Variants in TRHDE observed in about 807,000 individuals in gnomAD.
TRHDE encodes thyrotropin-releasing hormone-degrading ectoenzyme.
A neutral mutation model predicts 125.7 loss-of-function variants in TRHDE; 72 were observed. The observed-to-expected ratio is 0.57, with a 90% confidence interval of 0.47 to 0.70. The LOEUF (loss-of-function observed/expected upper bound fraction) is 0.70. Among genes scored for constraint, TRHDE ranks in the 30% least tolerant of loss-of-function variants. TRHDE has a pLI of 0.00. For missense variants in TRHDE, 1,110 were observed against 1,327.1 expected, an observed-to-expected ratio of 0.84 and a Z score of 2.54; for synonymous variants, 509 against 509.1, an observed-to-expected ratio of 1.00 and a Z score of 0.00.
intron 1 of TRHDE, among the ~76,000 whole-genome samples, chr12:72,098,520 G>A (rs1036295437): frequency 8.6e-5 from 13 of 152,028 alleles, no homozygotes; most frequent in African/African-American, 2.7e-4. Context: ...ATTTAGAGGC[G>A]GAATCTTTTG....
At chr12:72,615,045 T>C (rs987022002) in intron 12 of TRHDE, among the ~76,000 whole-genome samples, 9 of 152,094 alleles carry the variant, frequency 5.9e-5, no homozygotes, top group Non-Finnish European at 1.2e-4. Context: ...CAGCAAGGGA[T>C]GGGAGGAGCA....
At chr12:72,194,055 G>T (rs1877389994) in intron 2 of TRHDE, among the ~76,000 whole-genome samples, 1 of 151,944 alleles carries the variant, frequency 6.6e-6, no homozygotes, top group South Asian at 2.1e-4. Flanking sequence ...TTAAAATAAG[G>T]TTAAATAATT....
intron 2 of TRHDE, among the ~76,000 whole-genome samples, chr12:72,196,393 T>G (rs12309049): frequency 0.017 from 2,612 of 152,302 alleles, 79 homozygotes; most frequent in African/African-American, 0.06. Flanking sequence ...CATCTATGGT[T>G]TCTTTCAGCA....
chr12:72,301,066 C>T (rs1868254291), intron 2 of TRHDE, among the ~76,000 whole-genome samples: 1 of 152,102 alleles, frequency 6.6e-6, no homozygotes, highest in African/African-American at 2.4e-5. Flanking sequence ...TCCCCTGAAA[C>T]TTAGTACTAT....
intron 2 of TRHDE, among the ~76,000 whole-genome samples, chr12:72,237,975 A>C (rs1294371533): frequency 6.6e-6 from 1 of 152,026 alleles, no homozygotes; most frequent in African/African-American, 2.4e-5. Context: ...GTTAAGGCCA[A>C]TGAGCAAAAG....
intron 2 of TRHDE, among the ~76,000 whole-genome samples, chr12:72,251,783 G>A (rs976395265): frequency 6.6e-6 from 1 of 151,982 alleles, no homozygotes; most frequent in Non-Finnish European, 1.5e-5. Flanking sequence ...TTTTTTACTA[G>A]CAATGCATGA....
intron 7 of TRHDE, among the ~76,000 whole-genome samples, chr12:72,543,159 C>A (rs1414707739): frequency 6.6e-6 from 1 of 151,218 alleles, no homozygotes; most frequent in Non-Finnish European, 1.5e-5. Flanking sequence ...TCTTAGTAAG[C>A]TTTTCATTTT....
chr12:72,609,507 T>C (rs1002648606), intron 12 of TRHDE, among the ~76,000 whole-genome samples: 4 of 152,186 alleles, frequency 2.6e-5, no homozygotes, highest in African/African-American at 4.8e-5. Context: ...GTTTGTCATA[T>C]AGGTAAATTG....
intron 2 of TRHDE, among the ~76,000 whole-genome samples, chr12:72,116,587 T>C (rs1234451872): frequency 6.6e-6 from 1 of 152,222 alleles, no homozygotes; most frequent in Non-Finnish European, 1.5e-5. Context: ...ATTGTGGTTT[T>C]GATTTGCATT....
chr12:72,547,669 G>A (rs976346830), intron 7 of TRHDE, among the ~76,000 whole-genome samples: 2 of 151,720 alleles, frequency 1.3e-5, no homozygotes, highest in African/African-American at 4.8e-5. Flanking sequence ...AATTGCTTTT[G>A]ATTTAAGACC....
chr12:72,196,089 T>C (rs1239614441), intron 2 of TRHDE, among the ~76,000 whole-genome samples: 1 of 152,184 alleles, frequency 6.6e-6, no homozygotes, highest in Non-Finnish European at 1.5e-5. Flanking sequence ...TCTATGTATC[T>C]GTTTCTGTAC....
intron 3 of TRHDE, among the ~76,000 whole-genome samples, chr12:72,443,075 C>T (rs1263219758): frequency 6.6e-6 from 1 of 151,752 alleles, no homozygotes; most frequent in Non-Finnish European, 1.5e-5. Flanking sequence ...TAAAGTCCTC[C>T]ACGATTTGGT....
chr12:72,459,689 A>G (rs939202384), intron 3 of TRHDE, among the ~76,000 whole-genome samples: 1 of 152,032 alleles, frequency 6.6e-6, no homozygotes, highest in African/African-American at 2.4e-5. Context: ...GTGACATTAT[A>G]GCTCACTGCA....
intron 2 of TRHDE, among the ~76,000 whole-genome samples, chr12:72,149,982 C>G (rs1435243795): frequency 3.3e-5 from 5 of 152,014 alleles, no homozygotes; most frequent in African/African-American, 1.2e-4. Flanking sequence ...AATACAGGTT[C>G]AAAGGCACAA....
intron 2 of TRHDE, among the ~76,000 whole-genome samples, chr12:72,107,991 G>GT (rs1875228834): frequency 6.6e-6 from 1 of 151,998 alleles, no homozygotes; most frequent in Non-Finnish European, 1.5e-5. Flanking sequence ...TTCCTCGGGT[G>GT]TTTTTTCACA....
chr12:72,246,840 T>A (rs1878584334), intron 2 of TRHDE, among the ~76,000 whole-genome samples: 1 of 152,238 alleles, frequency 6.6e-6, no homozygotes, highest in African/African-American at 2.4e-5. Flanking sequence ...TTGTTTTTCT[T>A]ATTCCAAACC....
chr12:72,564,820 C>T (rs1870363999), intron 9 of TRHDE, among the ~76,000 whole-genome samples: 1 of 151,486 alleles, frequency 6.6e-6, no homozygotes. Context: ...GGGCCCGCCG[C>T]CACACCCGGC....
chr12:72,121,461 A>T (rs541339377), intron 2 of TRHDE, among the ~76,000 whole-genome samples: 176 of 152,170 alleles, frequency 1.2e-3, no homozygotes, highest in African/African-American at 4.1e-3. Context: ...GTACTAGCTG[A>T]GTTTTGCCCT....
At position 72,260,359 on chromosome 12, in the gene TRHDE, T is replaced by TG. The variant is rs1184239187; in HGVS notation, n.280-117636_280-117635insG. Among the ~76,000 whole-genome samples, 7 of 151,922 alleles carry TG rather than the reference T, an allele frequency of 4.6e-5. No individual in the cohort carries two copies. In the South Asian group the frequency reaches 1.3e-3, roughly 27 times the overall value. ...ACTTATTCAGGAAAAATGATACTTT[T>TG]TTTTGGTAGGTAATCCTCTCTAAAA... On this transcript the variant is annotated intron_variant and non_coding_transcript_variant, in intron 2 of 4. Coordinates refer to the TRHDE transcript ENST00000548156.
Sources: gnomAD v4.1 joint callset for allele counts (sites outside exome capture counted in the v4.1 genomes callset) on GRCh38, gnomAD v4.1.1 for gene constraint, MANE v1.5 for transcripts, NCBI Gene and HGNC (gene_info 2026-07-23, HGNC 2026-07-21) for gene names.